The following SYN3 variants were observed in gnomAD, a reference collection of about 807,000 sequenced individuals.
SYN3 encodes synapsin-3.
In SYN3, 35 loss-of-function variants were observed where a neutral mutation model predicts 65.8. The ratio of observed to expected loss-of-function variants is 0.53; its 90% CI spans 0.41 to 0.70. The LOEUF (loss-of-function observed/expected upper bound fraction) is 0.70, where lower values mean the gene tolerates loss of function less well. Ranked by LOEUF, SYN3 falls within the 30% of genes least tolerant of loss-of-function variation. SYN3 has a pLI of 0.00. For synonymous variants in SYN3, 270 were observed against 292.9 expected (o/e 0.92, Z 0.80); for missense variants, 680 against 749.0 (o/e 0.91, Z 1.08).
intron 6 of SYN3, among the ~76,000 whole-genome samples, chr22:32,692,183 G>T (rs1268502396): frequency 1.5e-5 from 2 of 133,874 alleles, no homozygotes; most frequent in East Asian, 5.1e-4. Context: ...AAAACAGGAC[G>T]GTCTGCAAAG....
At chr22:32,662,261 GTCTTA>G (rs61491017) in intron 6 of SYN3, among the ~76,000 whole-genome samples, 39,897 of 151,676 alleles carry the variant, frequency 0.26, 6,976 homozygotes, top group East Asian at 0.71. Flanking sequence ...CTATAGGGCT[GTCTTA>G]TCTTAACTCA....
At chr22:32,895,973 C>T (rs111663145) in intron 4 of SYN3, among the ~76,000 whole-genome samples, 88 of 152,274 alleles carry the variant, frequency 5.8e-4, no homozygotes, top group African/African-American at 2.0e-3. Flanking sequence ...AGTTAATCCA[C>T]GTAAGGCCCT....
At chr22:32,564,246 G>A (rs2058627413) in intron 7 of SYN3, among the ~76,000 whole-genome samples, 1 of 152,158 alleles carries the variant, frequency 6.6e-6, no homozygotes, top group African/African-American at 2.4e-5. Context: ...GGCCATGACT[G>A]CACGTCTTTC....
At chr22:32,603,356 C>CAAAA (rs10670581) in intron 6 of SYN3, among the ~76,000 whole-genome samples, 17,048 of 125,592 alleles carry the variant, frequency 0.14, 1,433 homozygotes, top group East Asian at 0.34. Flanking sequence ...ACTAAAAATA[C>CAAAA]AAAAAAAAAA....
chr22:33,015,301 A>T, intron 1 of SYN3: 1 of 653,382 alleles, frequency 1.5e-6, no homozygotes, highest in Admixed American at 3.2e-5. Context: ...CGGCGTTTGA[A>T]CAACATTTTC....
At chr22:33,019,896 T>C (rs576885244) in intron 1 of SYN3, among the ~76,000 whole-genome samples, 4 of 152,306 alleles carry the variant, frequency 2.6e-5, no homozygotes, top group East Asian at 1.9e-4. Context: ...CCCAGCCCCA[T>C]TGCTTATTCT....
At chr22:32,836,487 CTTAT>C (rs1157593967) in intron 6 of SYN3, among the ~76,000 whole-genome samples, 1 of 152,206 alleles carries the variant, frequency 6.6e-6, no homozygotes, top group Non-Finnish European at 1.5e-5. Context: ...GCATTCTTTA[CTTAT>C]TTATTTTATT....
chr22:32,735,842 C>T (rs1014198801), intron 6 of SYN3, among the ~76,000 whole-genome samples: 1 of 152,154 alleles, frequency 6.6e-6, no homozygotes, highest in African/African-American at 2.4e-5. Context: ...CCAGCCTGCA[C>T]CCTTATGTTG....
intron 6 of SYN3, among the ~76,000 whole-genome samples, chr22:32,625,714 G>A (rs535618640): frequency 6.6e-6 from 1 of 152,230 alleles, no homozygotes; most frequent in Non-Finnish European, 1.5e-5. Flanking sequence ...CTCTTCCCCT[G>A]ACAGTGCCAT....
intron 6 of SYN3, among the ~76,000 whole-genome samples, chr22:32,795,210 T>TA (rs1217677998): frequency 6.6e-6 from 1 of 152,162 alleles, no homozygotes; most frequent in Non-Finnish European, 1.5e-5. Flanking sequence ...ATTTATATTT[T>TA]AAAAAATGTA....
At chr22:32,554,377 T>C (rs568404293) in intron 7 of SYN3, among the ~76,000 whole-genome samples, 4 of 152,318 alleles carry the variant, frequency 2.6e-5, no homozygotes, top group Admixed American at 2.0e-4. Flanking sequence ...CCCTGGTTTA[T>C]TATCATTTTT....
intron 12 of SYN3, among the ~76,000 whole-genome samples, chr22:32,527,375 G>A (rs4821070): frequency 0.31 from 47,408 of 151,994 alleles, 7,892 homozygotes; most frequent in East Asian, 0.62. Context: ...TGAGGTGGGC[G>A]GATCACCTGA....
intron 13 of SYN3, among the ~76,000 whole-genome samples, chr22:32,515,959 T>C (rs1358665839): frequency 1.3e-5 from 2 of 152,070 alleles, no homozygotes; most frequent in Non-Finnish European, 2.9e-5. Context: ...CTGCCGCGCC[T>C]GGCTAATTTT....
intron 6 of SYN3, among the ~76,000 whole-genome samples, chr22:32,766,259 G>C (rs1189981647): frequency 6.6e-6 from 1 of 152,182 alleles, no homozygotes; most frequent in African/African-American, 2.4e-5. Flanking sequence ...CCCCAGCTGT[G>C]TATCTGCAGG....
chr22:32,968,549 T>C (rs537403665), intron 3 of SYN3, among the ~76,000 whole-genome samples: 4 of 152,186 alleles, frequency 2.6e-5, no homozygotes, highest in Non-Finnish European at 5.9e-5. Flanking sequence ...TAGACTGCCC[T>C]CCACCTTCTT....
At chr22:32,807,534 C>T (rs1326110531) in intron 6 of SYN3, among the ~76,000 whole-genome samples, 1 of 147,588 alleles carries the variant, frequency 6.8e-6, no homozygotes, top group African/African-American at 2.5e-5. Flanking sequence ...AAGTCATTAA[C>T]TTACATTAAC....
At chr22:32,620,227 G>C (rs73399282) in intron 6 of SYN3, among the ~76,000 whole-genome samples, 1,812 of 152,262 alleles carry the variant, frequency 0.012, 46 homozygotes, top group African/African-American at 0.042. Flanking sequence ...AAAATGCCAT[G>C]GTTCTTTACA....
At chr22:32,607,894 A>G (rs1030979692) in intron 6 of SYN3, among the ~76,000 whole-genome samples, 2 of 152,142 alleles carry the variant, frequency 1.3e-5, no homozygotes, top group Non-Finnish European at 2.9e-5. Flanking sequence ...GGTCTGAATG[A>G]TCCTAAATGA....
intron 1 of SYN3, among the ~76,000 whole-genome samples, chr22:33,024,008 T>C (rs910830574): frequency 6.6e-6 from 1 of 152,108 alleles, no homozygotes; most frequent in African/African-American, 2.4e-5. Context: ...CTCTCCTGAG[T>C]GTGGACACTC....
Sources: allele counts gnomAD v4.1 joint callset (sites outside exome capture counted in the v4.1 genomes callset), GRCh38; gene constraint gnomAD v4.1.1; transcripts MANE v1.5; gene names NCBI Gene and HGNC (gene_info 2026-07-23, HGNC 2026-07-21).